MYLK: variants seen among roughly 807,000 people sequenced by gnomAD.
MYLK encodes the protein myosin light chain kinase.
In MYLK, 106 loss-of-function variants were observed where a neutral mutation model predicts 203.4. The ratio of observed to expected loss-of-function variants is 0.52; its 90% CI spans 0.45 to 0.61. The LOEUF (loss-of-function observed/expected upper bound fraction) is 0.61. MYLK is among the 20% of genes least tolerant of loss of function. MYLK has a pLI of 0.00. For synonymous variants in MYLK, 867 were observed against 959.5 expected, an observed-to-expected ratio of 0.90 and a Z score of 1.78; for missense variants, 2,072 against 2,442.3, an observed-to-expected ratio of 0.85 and a Z score of 3.20.
At chr3:123,881,923 C>T (rs73857542) in intron 1 of MYLK, among the ~76,000 whole-genome samples, 1 of 152,188 alleles carries the variant, frequency 6.6e-6, no homozygotes, top group East Asian at 1.9e-4. Context: ...CAGCAGATTA[C>T]CCCCGCCACC....
intron 29 of MYLK, among the ~76,000 whole-genome samples, chr3:123,632,337 A>T (rs2058467678): frequency 6.6e-6 from 1 of 151,868 alleles, no homozygotes; most frequent in Non-Finnish European, 1.5e-5. Context: ...TACATTTTCC[A>T]CTGGAAACAG....
chr3:123,644,726 G>A (rs1375752042), intron 27 of MYLK, among the ~76,000 whole-genome samples: 1 of 152,204 alleles, frequency 6.6e-6, no homozygotes, highest in Non-Finnish European at 1.5e-5. Flanking sequence ...AGCCCACGGG[G>A]CTATTGTGAG....
intron 33 of MYLK, among the ~76,000 whole-genome samples, chr3:123,614,767 T>C (rs2057374871): frequency 6.6e-6 from 1 of 151,360 alleles, no homozygotes; most frequent in Admixed American, 6.6e-5. Flanking sequence ...AGTGAGACTA[T>C]AGGCATGAGC....
chr3:123,708,937 C>T lies in MYLK; in HGVS notation c.1943-42G>A, dbSNP rs770546161. On this transcript the variant is annotated intron_variant, in intron 14 of 33. Transcript: ENST00000360304. ...GGAAGGGGGATTGGTTAGGGAGGTC[C>T]TCCCCGGCCATGCAGCAACTCTGCG... 5.7e-6 allele frequency: 9 copies of T among 1,578,262 alleles called. No homozygotes were observed. The African/African-American group carries it at 1.1e-4, about 19-fold the overall frequency.
rs911206707 is a variant in MYLK at position 123,682,016 on chromosome 3, G to A, written c.3652+208C>T. 3.3e-5 allele frequency: 21 copies of A among 637,322 alleles called. No individual in the cohort carries two copies. The African/African-American group carries it at 3.6e-4, about 11-fold the overall frequency. The allele number at this position is 637,322 out of a possible 1,614,324, so 39.5% of individuals were successfully genotyped here. A position where few individuals can be genotyped will look rare whatever the true frequency, so the allele number is the denominator to read the frequency against. On this transcript the variant is annotated intron_variant, in intron 20 of 33. Coordinates refer to ENST00000360304, the MANE Select transcript of MYLK (RefSeq NM_053025.4). ...CACCACCCAGGCTGGAGACAGGCTG[G>A]AGAGAGCACTGGGATGGGGTGAGAA...
intron 3 of MYLK, among the ~76,000 whole-genome samples, chr3:123,806,377 A>C (rs2109197509): frequency 6.6e-6 from 1 of 152,304 alleles, no homozygotes; most frequent in South Asian, 2.1e-4. Flanking sequence ...TAATCTAAGC[A>C]GGTGAGCCGT....
At chr3:123,683,045 TGGCTG>T (rs5852350) in intron 19 of MYLK, among the ~76,000 whole-genome samples, 143,951 of 151,422 alleles carry the variant, frequency 0.95, 68,884 homozygotes, top group East Asian at 1. Context: ...CGACATCACT[TGGCTG>T]GGCTGGGCTG....
At chr3:123,848,468 C>T (rs1393527254) in intron 2 of MYLK, among the ~76,000 whole-genome samples, 1 of 151,980 alleles carries the variant, frequency 6.6e-6, no homozygotes, top group African/African-American at 2.4e-5. Context: ...TCCGTACTAA[C>T]ATACCCTTAT....
chr3:123,697,883 G>GAACA (rs1164285539), intron 18 of MYLK, among the ~76,000 whole-genome samples: 1 of 152,118 alleles, frequency 6.6e-6, no homozygotes, highest in Non-Finnish European at 1.5e-5. Flanking sequence ...CTCTGGATCT[G>GAACA]AACTGTTCCC....
At chr3:123,643,080 A>G (rs2058890127) in intron 27 of MYLK, among the ~76,000 whole-genome samples, 1 of 152,070 alleles carries the variant, frequency 6.6e-6, no homozygotes, top group Non-Finnish European at 1.5e-5. Flanking sequence ...GTCACTCCCC[A>G]TTTCTTCACA....
At position 123,629,314 on chromosome 3, in the gene MYLK, G is replaced by A. The variant is rs918476053; in HGVS notation, c.5114+160C>T. Among the ~76,000 whole-genome samples, 2 of 151,898 alleles carry A rather than the reference G, an allele frequency of 1.3e-5. No individual in the cohort carries two copies. Among genetic ancestry groups the A allele is most frequent in the Admixed American group, 6.6e-5 (1 of 15,256 alleles). On this transcript the variant is annotated intron_variant, in intron 30 of 33. Coordinates refer to ENST00000360304, the MANE Select transcript of MYLK (RefSeq NM_053025.4). The surrounding 1 kb of genome is among the most constrained non-coding windows in gnomAD (Gnocchi z 4.4). Reference sequence around the variant, plus strand: ...TCGCCTCCCCAACCCACATGCATTCGGGTCTCTTACCATGCCCACCCTCCC... The same window carrying A: ...TCGCCTCCCCAACCCACATGCATTCAGGTCTCTTACCATGCCCACCCTCCC...
At chr3:123,821,213 C>T (rs1253915685) in intron 3 of MYLK, among the ~76,000 whole-genome samples, 1 of 152,100 alleles carries the variant, frequency 6.6e-6, no homozygotes, top group Non-Finnish European at 1.5e-5. Context: ...TGCTATTATT[C>T]ATCTTTTTTT....
At chr3:123,669,199 G>C (rs2108359434) in intron 20 of MYLK, among the ~76,000 whole-genome samples, 1 of 152,290 alleles carries the variant, frequency 6.6e-6, no homozygotes, top group East Asian at 1.9e-4. Flanking sequence ...CCGGCTGTGT[G>C]GTTAAGCCCA....
rs149407805 is a variant in MYLK, at chr3:123,737,421, G to A, written c.711C>T (p.Asn237=). Reference sequence around the variant, plus strand: ...CTGACATCGAGGCCTTCCCCGACCCGTTCACCACCAGGCACGTGTACACTC... The same window carrying A: ...CTGACATCGAGGCCTTCCCCGACCCATTCACCACCAGGCACGTGTACACTC... ...DVGVYTCLVV[N]GSGKASMSAE... Residue 237 remains asparagine, a synonymous_variant, in exon 8 of 34, where the codon AAC becomes AAT. Transcript: ENST00000360304. 94 of 1,614,074 alleles carry A rather than the reference G, an allele frequency of 5.8e-5. No individual in the cohort carries two copies. In the African/African-American group the frequency reaches 8.5e-4, roughly 15 times the overall value.
chr3:123,799,059 G>GTCT (rs1405258298), intron 3 of MYLK, among the ~76,000 whole-genome samples: 1 of 152,126 alleles, frequency 6.6e-6, no homozygotes, highest in African/African-American at 2.4e-5. Context: ...CAGCTAGGGG[G>GTCT]TCTTATTCAA....
rs1386469987 is a variant in MYLK, at chr3:123,782,757, T to G, written c.165+10920A>C. Among the ~76,000 whole-genome samples the G allele has an allele frequency of 2.6e-5, 4 of 152,296 alleles. No homozygotes were observed. The East Asian group carries it at 7.7e-4, about 29-fold the overall frequency. On this transcript the variant is annotated intron_variant, in intron 4 of 33. Coordinates refer to ENST00000360304, the MANE Select transcript of MYLK (RefSeq NM_053025.4). ...GAAACACGTTAAAACAATAGGAGCC[T>G]AAGGCCTTATTAGTAGAGAGACAGA...
intron 4 of MYLK, among the ~76,000 whole-genome samples, chr3:123,775,506 T>A (rs973464859): frequency 1.3e-5 from 2 of 152,116 alleles, no homozygotes; most frequent in Non-Finnish European, 2.9e-5. Context: ...TATTTTAGAG[T>A]CAGTACAGTA....
At chr3:123,818,973 C>T (rs941111214) in intron 3 of MYLK, among the ~76,000 whole-genome samples, 11 of 152,178 alleles carry the variant, frequency 7.2e-5, no homozygotes, top group Admixed American at 5.2e-4. Flanking sequence ...TTCCCTGACT[C>T]ACCAGCTTCC....
chr3:123,696,989 CG>C (rs1279861499), intron 18 of MYLK, among the ~76,000 whole-genome samples: 1 of 152,232 alleles, frequency 6.6e-6, no homozygotes, highest in Non-Finnish European at 1.5e-5. Flanking sequence ...GGCCTGTCTT[CG>C]GGGCTTAGAT....
Sources: gnomAD v4.1 joint callset for allele counts (sites outside exome capture counted in the v4.1 genomes callset) on GRCh38, gnomAD v4.1.1 for gene constraint, Gnocchi (gnomAD v3.1) non-coding constraint, MANE v1.5 for transcripts, NCBI Gene and HGNC (gene_info 2026-07-23, HGNC 2026-07-21) for gene names.